GATAD2A: variants seen among roughly 807,000 people sequenced by gnomAD.
GATAD2A encodes the protein GATA zinc finger domain containing 2A, also known as transcriptional repressor p66-alpha.
In GATAD2A, 12 loss-of-function variants were observed where a neutral mutation model predicts 68.5. That is an observed-to-expected ratio of 0.18 (90% CI 0.11 to 0.28). The LOEUF (loss-of-function observed/expected upper bound fraction) is 0.28. Ranked by LOEUF, GATAD2A falls within the 10% of genes least tolerant of loss-of-function variation. The pLI, the probability that GATAD2A is intolerant of heterozygous loss-of-function variation, is 1.00. For missense variants in GATAD2A, 755 were observed against 868.5 expected, an observed-to-expected ratio of 0.87 and a Z score of 1.64; for synonymous variants, 410 against 375.3, an observed-to-expected ratio of 1.09 and a Z score of -1.07.
Position 19,507,959 on chromosome 19 carries a change from T to A in GATAD2A, c.*2485T>A, listed in dbSNP as rs1486878525. ...TAAGTACCTCTCTGGGTGTGGGGTT[T>A]GGACGCACCAGGATAGCTATTGATT... On this transcript the variant is annotated 3_prime_UTR_variant, in exon 12 of 12. Coordinates refer to ENST00000683918, the MANE Select transcript of GATAD2A (RefSeq NM_001384528.1). The A allele has an allele frequency of 6.6e-6, 1 of 152,224 alleles. No individual in the cohort carries two copies. The highest frequency in any genetic ancestry group is 1.9e-4 in the East Asian group (1 of 5,198). The allele number at this position is 152,224 out of a possible 1,614,324, so 9.4% of individuals were successfully genotyped here.
chr19:19,452,587 G>T (rs538893603), intron 1 of GATAD2A, among the ~76,000 whole-genome samples: 9 of 151,560 alleles, frequency 5.9e-5, no homozygotes, highest in African/African-American at 1.5e-4. Context: ...CCAGGCCTGG[G>T]GGGGTGAAGT....
chr19:19,474,259 C>A, intron 2 of GATAD2A: 1 of 637,372 alleles, frequency 1.6e-6, no homozygotes, highest in Non-Finnish European at 2.0e-6. Flanking sequence ...CCGACAACCA[C>A]GTGAGCATGG....
In GATAD2A at chr19:19,455,833, T is replaced by G. The variant is rs180675111; in HGVS notation, c.-6-9507T>G. On this transcript the variant is annotated intron_variant, in intron 1 of 11. Transcript: ENST00000683918. ...GACTAAATGGCCCGCAGAGCCAAAA[T>G]TATTTACTGTGTAGCATTTTAAGAA... 1.1e-3 allele frequency among the ~76,000 whole-genome samples: 166 copies of G among 152,122 alleles called. No homozygotes were observed. The South Asian group carries it at 0.013, about 12-fold the overall frequency.
At chr19:19,405,488 C>T (rs773362212), upstream of GATAD2A, among the ~76,000 whole-genome samples, 16 of 152,176 alleles carry the variant, frequency 1.1e-4, no homozygotes, top group Non-Finnish European at 1.8e-4. Flanking sequence ...GGGAGGGAGC[C>T]AGCCGGAGCC....
At chr19:19,464,281 A>T (rs2057697659) in intron 1 of GATAD2A, among the ~76,000 whole-genome samples, 1 of 152,228 alleles carries the variant, frequency 6.6e-6, no homozygotes, top group African/African-American at 2.4e-5. Flanking sequence ...CGGGAATTCC[A>T]CTAGAGCTCA....
intron 1 of GATAD2A, among the ~76,000 whole-genome samples, chr19:19,437,623 A>G (rs1248862884): frequency 6.6e-6 from 1 of 152,126 alleles, no homozygotes; most frequent in Non-Finnish European, 1.5e-5. Flanking sequence ...GATGACCTCT[A>G]ATCTACTTTC....
intron 2 of GATAD2A, among the ~76,000 whole-genome samples, chr19:19,473,339 T>C (rs2058448222): frequency 1.3e-5 from 2 of 152,276 alleles, no homozygotes; most frequent in Middle Eastern, 3.4e-3. Flanking sequence ...TGATCTTGGC[T>C]TTAGTTTTTT....
At chr19:19,439,716 G>T (rs1277442400) in intron 1 of GATAD2A, among the ~76,000 whole-genome samples, 96 of 152,064 alleles carry the variant, frequency 6.3e-4, no homozygotes, top group Non-Finnish European at 4.4e-5. Flanking sequence ...GTGTGGTGAT[G>T]CACGCTTGTA....
chr19:19,500,840 C>CA (rs1249163209), intron 8 of GATAD2A, among the ~76,000 whole-genome samples: 1 of 152,234 alleles, frequency 6.6e-6, no homozygotes, highest in Non-Finnish European at 1.5e-5. Context: ...AACTCGTACA[C>CA]AAGCAAGGGT....
upstream of GATAD2A, among the ~76,000 whole-genome samples, chr19:19,404,460 C>G (rs554984998): frequency 6.8e-4 from 103 of 152,104 alleles, no homozygotes; most frequent in African/African-American, 2.4e-3. Context: ...GCGAACAGAT[C>G]ACGACATCAG....
At chr19:19,450,625 TC>T (rs1465215898) in intron 1 of GATAD2A, among the ~76,000 whole-genome samples, 3 of 151,164 alleles carry the variant, frequency 2.0e-5, no homozygotes, top group African/African-American at 7.3e-5. Flanking sequence ...GCGGTCAGGA[TC>T]CCCGTACCAC....
At chr19:19,414,164 A>G (rs940454783) in intron 1 of GATAD2A, among the ~76,000 whole-genome samples, 1 of 152,168 alleles carries the variant, frequency 6.6e-6, no homozygotes, top group Non-Finnish European at 1.5e-5. Context: ...ATAGGTTCAA[A>G]TGTAATTGCA....
chr19:19,462,863 G>T (rs1343991505), intron 1 of GATAD2A, among the ~76,000 whole-genome samples: 1 of 152,206 alleles, frequency 6.6e-6, no homozygotes, highest in South Asian at 2.1e-4. Flanking sequence ...CAGGGTCTTG[G>T]GTTCAAATGG....
chr19:19,403,624 G>A (rs776778391), upstream of GATAD2A, among the ~76,000 whole-genome samples: 2 of 151,976 alleles, frequency 1.3e-5, no homozygotes, highest in Non-Finnish European at 2.9e-5. Context: ...CTCAAACTCT[G>A]GAATCTGTAT....
chr19:19,386,443 C>T (rs987492791), intron 1 of GATAD2A, among the ~76,000 whole-genome samples: 1 of 151,806 alleles, frequency 6.6e-6, no homozygotes. Flanking sequence ...GGGACCCCGT[C>T]TCTCCAGGCA....
At chr19:19,415,731 C>T (rs1470777761) in intron 1 of GATAD2A, among the ~76,000 whole-genome samples, 1 of 151,054 alleles carries the variant, frequency 6.6e-6, no homozygotes, top group Non-Finnish European at 1.5e-5. Flanking sequence ...AATTCTCCTG[C>T]CTCAGCCTCC....
At chr19:19,439,417 G>A (rs1240209918) in intron 1 of GATAD2A, among the ~76,000 whole-genome samples, 1 of 152,204 alleles carries the variant, frequency 6.6e-6, no homozygotes, top group Non-Finnish European at 1.5e-5. Context: ...AATCCTGCAC[G>A]TTGGAGCACC....
intron 2 of GATAD2A, chr19:19,472,308 A>G (rs970247710): frequency 1.3e-5 from 2 of 151,772 alleles, no homozygotes; most frequent in African/African-American, 4.8e-5. Flanking sequence ...GGCCACACCC[A>G]GATGGAAATA....
In GATAD2A at chr19:19,505,442, C is replaced by T. The variant is rs200707525; in HGVS notation, c.1873C>T (p.Arg625Cys). 164 of 1,608,220 alleles carry T rather than the reference C, an allele frequency of 1.0e-4. 1 individual carries two copies. Among genetic ancestry groups the T allele is most frequent in the Middle Eastern group, 6.6e-4 (4 of 6,040 alleles). The change falls in exon 12 of 12, where the codon CGC (arginine) becomes TGC (cysteine). Residue 625 changes from arginine to cysteine, a missense_variant. Physicochemically the swap from Arg to Cys is radical, Grantham distance 180. Transcript: ENST00000683918. ...REYLLDMIPP[R>C]SIPQSATWK ...GTACCTCCTGGACATGATCCCACCC[C>T]GCTCCATCCCCCAGTCAGCCACGTG...
Sources: allele counts gnomAD v4.1 joint callset (sites outside exome capture counted in the v4.1 genomes callset), GRCh38; gene constraint gnomAD v4.1.1; transcripts MANE v1.5; gene names NCBI Gene and HGNC (gene_info 2026-07-23, HGNC 2026-07-21).